FSD2: variants seen among roughly 807,000 people sequenced by gnomAD.
The protein encoded by FSD2 is fibronectin type III and SPRY domain-containing protein 2.
A neutral mutation model predicts 80.4 loss-of-function variants in FSD2; 71 were observed. That is an observed-to-expected ratio of 0.88 (90% confidence interval 0.73 to 1.08). The LOEUF is 1.08. Ranked by LOEUF, FSD2 falls within the 50% of genes least tolerant of loss-of-function variation. The probability of loss-of-function intolerance (pLI) is 0.00; values close to 1 mark genes in which losing one functional copy is unlikely to be tolerated. For synonymous variants in FSD2, 361 were observed against 329.5 expected (o/e 1.10, Z -1.03); for missense variants, 923 against 913.8 (o/e 1.01, Z -0.13).
intron 1 of FSD2, among the ~76,000 whole-genome samples, chr15:82,788,341 CA>C (rs34050167): frequency 0.15 from 19,599 of 126,468 alleles, 1,695 homozygotes; most frequent in South Asian, 0.36. Context: ...ACCAAAAATA[CA>C]AAAAAAAAAA....
intron 4 of FSD2, among the ~76,000 whole-genome samples, chr15:82,782,223 G>A (rs927872107): frequency 7.4e-5 from 11 of 149,516 alleles, no homozygotes; most frequent in Non-Finnish European, 1.0e-4. Flanking sequence ...GTGAAACCCC[G>A]TCTCTACTAA....
chr15:82,772,225 G>A lies in FSD2; in HGVS notation c.1115C>T (p.Pro372Leu). 6.2e-7 allele frequency: 1 copy of A among 1,609,524 alleles called. No homozygotes were observed. The highest frequency in any genetic ancestry group is 1.3e-5 in the African/African-American group (1 of 74,970). The stretch of plus-strand genomic sequence containing the variant: ...CTGTGGATTTATGACTGGAGCAGAA[G>A]GAGCTAGGAAAAGAAAAGAAAAAAG... ...LMGSINTIPAPSAPVINPQVP... is the reference protein window; with the variant it reads ...LMGSINTIPALSAPVINPQVP... The change falls in exon 7 of 13, where the codon CCT becomes CTT. Residue 372 changes from proline (P) to leucine (L), a missense_variant. Coordinates refer to ENST00000334574, the MANE Select transcript of FSD2 (RefSeq NM_001007122.4).
At chr15:82,767,301 G>T (rs1471759110) in intron 9 of FSD2, among the ~76,000 whole-genome samples, 2 of 152,222 alleles carry the variant, frequency 1.3e-5, no homozygotes, top group African/African-American at 4.8e-5. Context: ...AGAATGCTGA[G>T]GAGGTAACTG....
intron 9 of FSD2, among the ~76,000 whole-genome samples, chr15:82,767,677 T>G: frequency 6.6e-6 from 1 of 152,130 alleles, no homozygotes. Flanking sequence ...CCTGAACCAT[T>G]AGGATGGCCA....
chr15:82,789,897 A>G (rs566294298), intron 1 of FSD2, among the ~76,000 whole-genome samples: 3 of 152,216 alleles, frequency 2.0e-5, no homozygotes, highest in Admixed American at 2.0e-4. Flanking sequence ...CTCTTAAAAT[A>G]CAAACAGAAG....
intron 1 of FSD2, among the ~76,000 whole-genome samples, chr15:82,789,691 G>A (rs997457585): frequency 6.6e-6 from 1 of 152,206 alleles, no homozygotes; most frequent in African/African-American, 2.4e-5. Flanking sequence ...GAAGTTCATT[G>A]CTGCATAGCA....
intron 1 of FSD2, among the ~76,000 whole-genome samples, chr15:82,800,716 C>G (rs1268690522): frequency 1.3e-5 from 1 of 75,942 alleles, no homozygotes; most frequent in Non-Finnish European, 2.9e-5. Context: ...AAAAAAAAGC[C>G]CCTCAGTCAG....
rs34527251 is a variant in FSD2, at chr15:82,778,127, C to CATATATATATATATATATATAT, written c.1111+617_1111+638dup. 2.6e-3 allele frequency among the ~76,000 whole-genome samples: 216 copies of CATATATATATATATATATATAT among 83,888 alleles called. 3 individuals are homozygous for CATATATATATATATATATATAT. The highest frequency in any genetic ancestry group is 3.1e-3 in the Non-Finnish European group (149 of 48,564). 55.0% of individuals were successfully genotyped at this position (83,888 alleles called of 152,430 possible). On this transcript the variant is annotated intron_variant, in intron 6 of 12. Coordinates refer to ENST00000334574, the MANE Select transcript of FSD2 (RefSeq NM_001007122.4). Reference sequence around the variant, plus strand: ...CTCTGAAAAAAAAACACAAAAAAACCATATATATATATATATATATATATA... The same window carrying CATATATATATATATATATATAT: ...CTCTGAAAAAAAAACACAAAAAAACCATATATATATATATATATATATATATATATATATATATATATATATA...
At chr15:82,789,669 C>T (rs1007837010) in intron 1 of FSD2, among the ~76,000 whole-genome samples, 2 of 152,190 alleles carry the variant, frequency 1.3e-5, no homozygotes, top group African/African-American at 4.8e-5. Context: ...CTGGAGGTTT[C>T]AGTTGCCCTC....
intron 6 of FSD2, among the ~76,000 whole-genome samples, chr15:82,775,605 G>T (rs562319927): frequency 1.2e-4 from 19 of 152,254 alleles, no homozygotes; most frequent in African/African-American, 4.6e-4. Flanking sequence ...TGAGTATGAT[G>T]TTAGCTGTGG....
chr15:82,790,802 G>A (rs1406493044), intron 1 of FSD2, among the ~76,000 whole-genome samples: 2 of 148,496 alleles, frequency 1.3e-5, no homozygotes, highest in Non-Finnish European at 3.0e-5. Context: ...AGCCAGGATG[G>A]TCTCGATCTC....
intron 3 of FSD2, among the ~76,000 whole-genome samples, chr15:82,785,647 G>T (rs2049978144): frequency 2.0e-5 from 3 of 152,124 alleles, no homozygotes. Flanking sequence ...TTAAATGCAT[G>T]CAGAGCTAAA....
chr15:82,765,443 A>G (rs376481516), intron 10 of FSD2, 145 bp from the exon 11 acceptor site: 356 of 998,190 alleles, frequency 3.6e-4, no homozygotes, highest in African/African-American at 2.8e-3. Context: ...AAGGATGGCA[A>G]TTGACACTCA....
chr15:82,796,066 G>A (rs1332688221), intron 1 of FSD2, among the ~76,000 whole-genome samples: 3 of 145,094 alleles, frequency 2.1e-5, no homozygotes, highest in Admixed American at 7.3e-5. Context: ...GCAGTGGCGC[G>A]ATCTCTGCTC....
chr15:82,798,007 G>A (rs2050319005), intron 1 of FSD2, among the ~76,000 whole-genome samples: 1 of 152,074 alleles, frequency 6.6e-6, no homozygotes, highest in African/African-American at 2.4e-5. Context: ...TTGTAGAGAA[G>A]TATCATAGAT....
rs1480843519 is a variant in FSD2, at chr15:82,771,272, G to A, written c.1267+801C>T. On this transcript the variant is annotated intron_variant, in intron 7 of 12. Transcript: ENST00000334574. The stretch of plus-strand genomic sequence containing the variant: ...CCTCACAGACAGCTTCTTTCTCTCT[G>A]ACTCTCAGTTTCCTCATCCATAAAA... Among the ~76,000 whole-genome samples, 7 of 152,256 alleles carry A rather than the reference G, an allele frequency of 4.6e-5. No individual in the cohort carries two copies. In the East Asian group the frequency reaches 1.3e-3, roughly 29 times the overall value.
intron 7 of FSD2, among the ~76,000 whole-genome samples, chr15:82,771,515 CG>C (rs2049570011): frequency 6.6e-6 from 1 of 152,192 alleles, no homozygotes; most frequent in Non-Finnish European, 1.5e-5. Context: ...GTCCCATTTC[CG>C]GGGAAAAGGA....
At chr15:82,788,616 G>A (rs2151523794) in intron 1 of FSD2, among the ~76,000 whole-genome samples, 1 of 152,158 alleles carries the variant, frequency 6.6e-6, no homozygotes, top group African/African-American at 2.4e-5. Context: ...GCTGGATAAG[G>A]GGACAGTGAA....
At chr15:82,761,749 C>G (rs1035345318) in intron 12 of FSD2, among the ~76,000 whole-genome samples, 1 of 150,934 alleles carries the variant, frequency 6.6e-6, no homozygotes, top group African/African-American at 2.4e-5. Flanking sequence ...GTCCAGGGCT[C>G]AAACAATACT....
Sources: gnomAD v4.1 joint callset for allele counts (sites outside exome capture counted in the v4.1 genomes callset) on GRCh38, gnomAD v4.1.1 for gene constraint, MANE v1.5 for transcripts, NCBI Gene and HGNC (gene_info 2026-07-23, HGNC 2026-07-21) for gene names.